CLSTN2: variants seen among roughly 807,000 people sequenced by gnomAD.
CLSTN2 encodes the protein calsyntenin 2.
A neutral mutation model predicts 101.2 loss-of-function variants in CLSTN2; 48 were observed. The ratio of observed to expected loss-of-function variants is 0.47; its 90% CI spans 0.38 to 0.60. The LOEUF is 0.60. CLSTN2 is among the 20% of genes least tolerant of loss of function. CLSTN2 has a pLI of 0.00. For missense variants in CLSTN2, 1,160 were observed against 1,238.2 expected (o/e 0.94, Z 0.95); for synonymous variants, 481 against 463.6 (o/e 1.04, Z -0.48).
At chr3:140,469,596 C>A (rs145021978) in intron 8 of CLSTN2, among the ~76,000 whole-genome samples, 101 of 152,314 alleles carry the variant, frequency 6.6e-4, no homozygotes, top group African/African-American at 2.3e-3. Flanking sequence ...AGTCTCCAGG[C>A]AGAACTCCAT....
intron 4 of CLSTN2, among the ~76,000 whole-genome samples, chr3:140,413,912 CTG>C (rs1010502866): frequency 1.3e-5 from 2 of 152,022 alleles, no homozygotes; most frequent in Non-Finnish European, 2.9e-5. Context: ...ACAATAAAGA[CTG>C]TATATTACAA....
chr3:140,146,518 C>T lies in CLSTN2; in HGVS notation c.110-29433C>T, dbSNP rs1247901359. ...GAAGTCCTTCTGTCCTCAAAGCCTACTCGAGGATTTGCTAAATAAAGCAGG... is the reference window on the plus strand; with the variant it reads ...GAAGTCCTTCTGTCCTCAAAGCCTATTCGAGGATTTGCTAAATAAAGCAGG... On this transcript the variant is annotated intron_variant, in intron 1 of 16. Transcript: ENST00000458420. Among the ~76,000 whole-genome samples, 4 of 152,338 alleles carry T rather than the reference C, an allele frequency of 2.6e-5. No individual in the cohort carries two copies. In the East Asian group the frequency reaches 7.7e-4, roughly 29 times the overall value.
chr3:140,352,550 A>G (rs913860476), intron 2 of CLSTN2, among the ~76,000 whole-genome samples: 3 of 152,250 alleles, frequency 2.0e-5, no homozygotes, highest in Non-Finnish European at 4.4e-5. Flanking sequence ...TGTACGTTAC[A>G]GTAGAGCTGC....
chr3:140,469,854 G>A (rs1333207437), intron 8 of CLSTN2, among the ~76,000 whole-genome samples: 1 of 152,144 alleles, frequency 6.6e-6, no homozygotes, highest in Non-Finnish European at 1.5e-5. Flanking sequence ...AAAATCCAGA[G>A]ATCTTTGAAA....
chr3:140,422,781 A>G (rs541318327), intron 5 of CLSTN2, among the ~76,000 whole-genome samples: 1 of 152,332 alleles, frequency 6.6e-6, no homozygotes, highest in Non-Finnish European at 1.5e-5. Flanking sequence ...AGGACCCTGC[A>G]GACAGAATTC....
At chr3:140,142,070 C>A (rs1298777760) in intron 1 of CLSTN2, among the ~76,000 whole-genome samples, 1 of 152,244 alleles carries the variant, frequency 6.6e-6, no homozygotes, top group African/African-American at 2.4e-5. Context: ...TTCTTCCTGG[C>A]CTCAGTTGCC....
chr3:140,288,623 T>A (rs897381472), intron 2 of CLSTN2, among the ~76,000 whole-genome samples: 16 of 152,196 alleles, frequency 1.1e-4, no homozygotes, highest in African/African-American at 3.9e-4. Flanking sequence ...GCTGATCAAT[T>A]GTTTTGATTT....
intron 8 of CLSTN2, among the ~76,000 whole-genome samples, chr3:140,527,271 T>G (rs557217724): frequency 4.1e-4 from 62 of 152,078 alleles, no homozygotes; most frequent in Non-Finnish European, 6.3e-4. Context: ...GCAAAGGATA[T>G]GAACAGATTC....
At chr3:140,284,146 A>G (rs1311824183) in intron 2 of CLSTN2, among the ~76,000 whole-genome samples, 4 of 152,220 alleles carry the variant, frequency 2.6e-5, no homozygotes, top group Admixed American at 1.3e-4. Flanking sequence ...CTGTTGAAAT[A>G]AACCTTTATT....
intron 1 of CLSTN2, among the ~76,000 whole-genome samples, chr3:139,985,886 C>T (rs1265113439): frequency 1.3e-5 from 2 of 152,144 alleles, no homozygotes; most frequent in Admixed American, 6.5e-5. Flanking sequence ...AAATGTAGCT[C>T]GTCTGACTAA....
chr3:140,308,600 CA>C (rs1437089692), intron 2 of CLSTN2, among the ~76,000 whole-genome samples: 1 of 152,200 alleles, frequency 6.6e-6, no homozygotes, highest in Non-Finnish European at 1.5e-5. Flanking sequence ...GCATTAAAAT[CA>C]GATTAGTTGG....
chr3:140,360,025 C>CAT (rs766844877), intron 2 of CLSTN2, among the ~76,000 whole-genome samples: 44 of 137,310 alleles, frequency 3.2e-4, no homozygotes, highest in Non-Finnish European at 6.6e-4. Context: ...CACACACACA[C>CAT]ACATATATAT....
At chr3:140,277,579 A>C (rs755985812) in intron 2 of CLSTN2, among the ~76,000 whole-genome samples, 1 of 152,246 alleles carries the variant, frequency 6.6e-6, no homozygotes. Context: ...TGTAATTAAG[A>C]GAACTTTTCT....
At chr3:140,287,868 C>T (rs147174900) in intron 2 of CLSTN2, among the ~76,000 whole-genome samples, 1 of 152,230 alleles carries the variant, frequency 6.6e-6, no homozygotes, top group East Asian at 1.9e-4. Context: ...TCTCAAAAAT[C>T]AATGCTCTAT....
chr3:140,535,184 A>G (rs1375370996), intron 9 of CLSTN2, among the ~76,000 whole-genome samples: 1 of 152,244 alleles, frequency 6.6e-6, no homozygotes, highest in East Asian at 1.9e-4. Context: ...GAAGCAGACC[A>G]ACCAGAAAAC....
intron 1 of CLSTN2, among the ~76,000 whole-genome samples, chr3:139,939,521 T>C (rs1042721119): frequency 6.6e-6 from 1 of 152,174 alleles, no homozygotes; most frequent in African/African-American, 2.4e-5. Context: ...CCAGGAGCCC[T>C]TGTGGTCCTG....
At chr3:140,284,578 G>T (rs910579812) in intron 2 of CLSTN2, among the ~76,000 whole-genome samples, 10 of 152,122 alleles carry the variant, frequency 6.6e-5, no homozygotes, top group Admixed American at 6.6e-5. Flanking sequence ...ACTCCATCAG[G>T]ATGTGCCCAG....
chr3:140,462,371 A>G (rs1225700929), intron 7 of CLSTN2, among the ~76,000 whole-genome samples: 2 of 152,212 alleles, frequency 1.3e-5, no homozygotes, highest in Non-Finnish European at 2.9e-5. Flanking sequence ...CTCCTTTTAA[A>G]TGCAAACACA....
intron 4 of CLSTN2, among the ~76,000 whole-genome samples, chr3:140,415,503 A>AAAAAAAAC (rs1294680763): frequency 3.3e-5 from 5 of 150,546 alleles, no homozygotes; most frequent in African/African-American, 9.9e-5. Context: ...AAAAAAAAAA[A>AAAAAAAAC]AAAAAAACAA....
Sources: allele counts gnomAD v4.1 joint callset (sites outside exome capture counted in the v4.1 genomes callset), GRCh38; gene constraint gnomAD v4.1.1; transcripts MANE v1.5; gene names NCBI Gene and HGNC (gene_info 2026-07-23, HGNC 2026-07-21).